The following VPS53 variants were observed in gnomAD, a reference collection of about 807,000 sequenced individuals.
VPS53 encodes the protein VPS53 subunit of GARP complex.
In VPS53, 70 loss-of-function variants were observed where a neutral mutation model predicts 107.0. The ratio of observed to expected loss-of-function variants is 0.65; its 90% CI spans 0.54 to 0.80. The LOEUF (loss-of-function observed/expected upper bound fraction) is 0.80, where lower values mean the gene tolerates loss of function less well. VPS53 is among the 30% of genes least tolerant of loss of function. The pLI, the probability that VPS53 is intolerant of heterozygous loss-of-function variation, is 0.00. For synonymous variants in VPS53, 409 were observed against 393.3 expected, an observed-to-expected ratio of 1.04 and a Z score of -0.47; for missense variants, 917 against 1,049.4, an observed-to-expected ratio of 0.87 and a Z score of 1.74.
chr17:558,475 T>C (rs1240135646), intron 15 of VPS53, among the ~76,000 whole-genome samples: 1 of 148,380 alleles, frequency 6.7e-6, no homozygotes, highest in African/African-American at 2.5e-5. Context: ...CTACTAAAAA[T>C]AAAAAAAAAT....
chr17:633,767 T>C (rs1352818994), intron 7 of VPS53, among the ~76,000 whole-genome samples: 4 of 152,206 alleles, frequency 2.6e-5, no homozygotes, highest in Non-Finnish European at 5.9e-5. Context: ...TCTAGAGCTG[T>C]CCAGCAGACA....
At chr17:644,527 C>T (rs1970599210) in intron 7 of VPS53, among the ~76,000 whole-genome samples, 1 of 152,114 alleles carries the variant, frequency 6.6e-6, no homozygotes, top group African/African-American at 2.4e-5. Context: ...AAAAACAATC[C>T]TAGTCAAGCA....
intron 4 of VPS53, among the ~76,000 whole-genome samples, chr17:683,817 A>G (rs1972488778): frequency 6.6e-6 from 1 of 152,256 alleles, no homozygotes; most frequent in Non-Finnish European, 1.5e-5. Context: ...CAGGCAACAT[A>G]GCAAGACCCC....
chr17:553,361 G>A lies in VPS53; in HGVS notation c.1787+19C>T. 1 of 1,612,836 alleles carries A rather than the reference G, an allele frequency of 6.2e-7. No individual in the cohort carries two copies. On this transcript the variant is annotated intron_variant, in intron 16 of 21. Transcript: ENST00000437048. ...TGGAGAAAGGGCAGGCAGCCAGTAA[G>A]TGTGTGCAGGGTACATACGTGCTGA...
At chr17:676,498 GTTACAGTGGTGATGAA>G (rs1451609599) in intron 4 of VPS53, 3 of 152,240 alleles carry the variant, frequency 2.0e-5, no homozygotes, top group Non-Finnish European at 4.4e-5. Context: ...AGCCAGAGCA[GTTACAGTGGTGATGAA>G]TGGCATTTTC....
At chr17:606,064 C>T (rs1321157586) in intron 11 of VPS53, among the ~76,000 whole-genome samples, 1 of 152,032 alleles carries the variant, frequency 6.6e-6, no homozygotes, top group Non-Finnish European at 1.5e-5. Context: ...AGCCAGTGTT[C>T]CAGGAAAGGG....
In VPS53 at chr17:541,775, G is replaced by A. The variant is rs111389018; in HGVS notation, c.1867-4599C>T. The stretch of plus-strand genomic sequence containing the variant: ...GTTTATCAAGGACCTACCACGCACC[G>A]GGCGCTGAAGGAACGTTTATCAAGC... On this transcript the variant is annotated intron_variant, in intron 17 of 21. Coordinates refer to ENST00000437048, the MANE Select transcript of VPS53 (RefSeq NM_001128159.3). Among the ~76,000 whole-genome samples, 434 of 68,360 alleles carry A rather than the reference G, an allele frequency of 6.3e-3. 1 individual carries two copies. The highest frequency in any genetic ancestry group is 7.8e-3 in the Non-Finnish European group (297 of 38,204). 44.8% of individuals were successfully genotyped at this position (68,360 alleles called of 152,430 possible).
intron 7 of VPS53, among the ~76,000 whole-genome samples, chr17:639,490 G>C (rs955270930): frequency 6.6e-6 from 1 of 152,072 alleles, no homozygotes; most frequent in Non-Finnish European, 1.5e-5. Context: ...GGGGAGAGGT[G>C]CTCTGATTTT....
chr17:514,422 C>G lies in VPS53; in HGVS notation c.*4706G>C, dbSNP rs1908150827. 1 of 120,566 alleles carries G rather than the reference C, an allele frequency of 8.3e-6. No homozygotes were observed. The highest frequency in any genetic ancestry group is 1.7e-5 in the Non-Finnish European group (1 of 59,970). 7.5% of individuals were successfully genotyped at this position (120,566 alleles called of 1,614,324 possible). The stretch of plus-strand genomic sequence containing the variant: ...CCTAGGTAAGGAATCCCATTTCCAG[C>G]AGGTTATTCTGAGTGCTCTTCCTAG... On this transcript the variant is annotated 3_prime_UTR_variant, in exon 22 of 22. Coordinates refer to ENST00000437048, the MANE Select transcript of VPS53 (RefSeq NM_001128159.3).
At chr17:629,805 A>C (rs1414600530) in intron 8 of VPS53, among the ~76,000 whole-genome samples, 7 of 81,270 alleles carry the variant, frequency 8.6e-5, no homozygotes, top group African/African-American at 1.3e-4. Context: ...AAACAAAAAA[A>C]AAACCACACA....
chr17:645,732 T>C (rs910005447), intron 7 of VPS53, among the ~76,000 whole-genome samples: 3 of 152,278 alleles, frequency 2.0e-5, no homozygotes, highest in African/African-American at 4.8e-5. Flanking sequence ...GTTCCTGCCA[T>C]GCACAACCCC....
intron 17 of VPS53, among the ~76,000 whole-genome samples, chr17:549,583 GAA>G (rs3833167): frequency 1.3e-5 from 2 of 149,660 alleles, no homozygotes; most frequent in East Asian, 1.9e-4. Flanking sequence ...TGATTTTATT[GAA>G]AAAAAAAAAT....
intron 18 of VPS53, among the ~76,000 whole-genome samples, chr17:535,429 T>C (rs981273553): frequency 9.3e-5 from 12 of 129,414 alleles, no homozygotes; most frequent in Non-Finnish European, 2.0e-4. Flanking sequence ...TTCGCTTTAA[T>C]GTAAGCTCAA....
chr17:627,271 G>A lies in VPS53; in HGVS notation c.877C>T (p.Arg293Cys), dbSNP rs200038716. The A allele has an allele frequency of 5.0e-6, 8 of 1,613,920 alleles. No homozygotes were observed. Among genetic ancestry groups the A allele is most frequent in the Middle Eastern group, 1.6e-4 (1 of 6,084 alleles). Residue 293 changes from arginine (R) to cysteine (C), a missense_variant, in exon 10 of 22, where the codon CGC (arginine) becomes TGC (cysteine). Arg to Cys is a radical substitution (Grantham distance 180, BLOSUM62 -3). Transcript: ENST00000437048. ...KIDRRYAWIK[R>C]QLVDYEEKYG... ...TTCTCCTCATAGTCCACAAGCTGGC[G>A]TTTTATCCAGGCATAGCGTCTGTCG... is the stretch of plus-strand genomic sequence containing the variant.
chr17:676,915 A>T lies in VPS53; in HGVS notation c.286-15020T>A, dbSNP rs561463872. Among the ~76,000 whole-genome samples, 22 of 152,126 alleles carry T rather than the reference A, an allele frequency of 1.4e-4. No individual in the cohort carries two copies. In the South Asian group the frequency reaches 4.6e-3, roughly 32 times the overall value. On this transcript the variant is annotated intron_variant, in intron 4 of 21. Coordinates refer to ENST00000437048, the MANE Select transcript of VPS53 (RefSeq NM_001128159.3). ...CATACAAAAGCTTAAGATTCTTGCT[A>T]ATCAGAAACATGTTGTCTATATTAA...
rs899167180 is a variant in VPS53, at chr17:570,505, C to G, written c.1314-7760G>C. 4.6e-5 allele frequency among the ~76,000 whole-genome samples: 7 copies of G among 151,822 alleles called. No individual in the cohort carries two copies. The South Asian group carries it at 1.0e-3, about 23-fold the overall frequency. On this transcript the variant is annotated intron_variant, in intron 13 of 21. Coordinates refer to ENST00000437048, the MANE Select transcript of VPS53 (RefSeq NM_001128159.3). ...TAAATCATAAATAATGAGGAAACAT[C>G]AGACAAACCCAAACTGAGGGAAATT...
rs1971452832 is a variant in VPS53, at chr17:661,907, GA to G, written c.286-13del. On this transcript the variant is annotated splice_polypyrimidine_tract_variant and intron_variant, in intron 4 of 21. Transcript: ENST00000437048. Reference sequence around the variant, plus strand: ...GCCTCTTCAAGCGCCTAGAGTAAGGGAAATACATGAAAAACAAAAAGTGGCT... The same window carrying G: ...GCCTCTTCAAGCGCCTAGAGTAAGGGAATACATGAAAAACAAAAAGTGGCT... The G allele has an allele frequency of 6.5e-7, 1 of 1,549,074 alleles. No homozygotes were observed. The highest frequency in any genetic ancestry group is 1.4e-5 in the African/African-American group (1 of 72,818).
At chr17:630,082 T>C (rs1018172344) in intron 8 of VPS53, among the ~76,000 whole-genome samples, 4 of 151,688 alleles carry the variant, frequency 2.6e-5, no homozygotes, top group Non-Finnish European at 4.4e-5. Context: ...TCACCTGAGG[T>C]TGGGAGTTCG....
chr17:521,045 C>T (rs1597239383), intron 20 of VPS53, among the ~76,000 whole-genome samples: 1 of 152,224 alleles, frequency 6.6e-6, no homozygotes, highest in Non-Finnish European at 1.5e-5. Context: ...ACCACAGGAC[C>T]ATCTGTTCTC....
Sources: allele counts gnomAD v4.1 joint callset (sites outside exome capture counted in the v4.1 genomes callset), GRCh38; gene constraint gnomAD v4.1.1; transcripts MANE v1.5; gene names NCBI Gene and HGNC (gene_info 2026-07-23, HGNC 2026-07-21).